The following HIPK1 variants were observed in gnomAD, a reference collection of about 807,000 sequenced individuals.
HIPK1 encodes homeodomain interacting protein kinase 1, also known as homeodomain-interacting protein kinase 1.
In HIPK1, 28 loss-of-function variants were observed where a neutral mutation model predicts 117.1. That is an observed-to-expected ratio of 0.24 (90% confidence interval 0.18 to 0.33). The LOEUF is 0.33. Among genes scored for constraint, HIPK1 ranks in the 10% least tolerant of loss-of-function variants. The probability of loss-of-function intolerance (pLI) is 1.00; values close to 1 mark genes in which losing one functional copy is unlikely to be tolerated. For missense variants in HIPK1, 1,122 were observed against 1,475.1 expected (o/e 0.76, Z 3.92); for synonymous variants, 605 against 562.5 (o/e 1.08, Z -1.07).
intron 8 of HIPK1, among the ~76,000 whole-genome samples, chr1:113,959,296 AG>A (rs1006724506): frequency 4.3e-4 from 31 of 72,020 alleles, no homozygotes; most frequent in Admixed American, 2.5e-3. Context: ...AAGAGGGGCT[AG>A]GGGGGTCAGA....
intron 14 of HIPK1, 87 bp from the exon 15 acceptor site, chr1:113,971,736 CA>C: frequency 3.9e-6 from 5 of 1,291,156 alleles, no homozygotes; most frequent in Non-Finnish European, 5.3e-6. Context: ...TTGCAAACTA[CA>C]TACAGATGTG....
chr1:113,962,383 T>C lies in HIPK1; in HGVS notation c.2048T>C (p.Val683Ala). ...PVRMDNAVPI[V>A]PQAPAAQPLQ... The stretch of plus-strand genomic sequence containing the variant: ...AGGATGGATAATGCTGTACCGATTG[T>C]ACCCCAGGCACCAGCTGCTCAGCCA... The change falls in exon 9 of 16, where the codon GTA becomes GCA. Residue 683 changes from valine to alanine, a missense_variant. This residue lies in a region of HIPK1 where 731 missense variants were observed against 860.4 expected (regional missense o/e 0.85). Coordinates refer to ENST00000426820, the MANE Select transcript of HIPK1 (RefSeq NM_198268.3). 6.2e-7 allele frequency: 1 copy of C among 1,614,004 alleles called. No homozygotes were observed. Among genetic ancestry groups the C allele is most frequent in the Non-Finnish European group, 8.5e-7 (1 of 1,179,906 alleles).
intron 10 of HIPK1, 31 bp from the exon 11 acceptor site, chr1:113,966,099 C>A: frequency 6.3e-7 from 1 of 1,599,038 alleles, no homozygotes. Context: ...TGAATCAAGT[C>A]TGGATGTTTT....
At chr1:113,964,932 A>G (rs1672351120) in intron 10 of HIPK1, among the ~76,000 whole-genome samples, 1 of 152,224 alleles carries the variant, frequency 6.6e-6, no homozygotes, top group Admixed American at 6.5e-5. Context: ...TCACATTGGA[A>G]TGTTATTTCT....
In HIPK1 at chr1:113,972,880, A is replaced by G. The variant is rs905693843; in HGVS notation, c.3145-144A>G. On this transcript the variant is annotated intron_variant, in intron 15 of 15. Transcript: ENST00000426820. ...CAGAAGGAGGGGTGGCTGATTTCTG[A>G]CAGCATTCAATGCCAGTGTGGGAGA... The G allele has an allele frequency of 1.4e-5, 11 of 803,544 alleles. 1 individual carries two copies. The highest frequency in any genetic ancestry group is 3.6e-6 in the Non-Finnish European group (2 of 552,774). 49.8% of individuals were successfully genotyped at this position (803,544 alleles called of 1,614,324 possible).
intron 2 of HIPK1, among the ~76,000 whole-genome samples, chr1:113,947,373 C>G (rs945319630): frequency 1.2e-4 from 18 of 152,084 alleles, no homozygotes; most frequent in Non-Finnish European, 2.2e-4. Flanking sequence ...TTGTTACTTA[C>G]GGAAGGAAAA....
At chr1:113,945,090 A>G (rs1670902369) in intron 2 of HIPK1, among the ~76,000 whole-genome samples, 1 of 150,664 alleles carries the variant, frequency 6.6e-6, no homozygotes, top group Non-Finnish European at 1.5e-5. Context: ...CTCAAGTGAT[A>G]TGCCCGCCTC....
At position 113,973,628 on chromosome 1, in the gene HIPK1, G is replaced by A; in HGVS notation, c.*116G>A. 8.1e-7 allele frequency: 1 copy of A among 1,229,988 alleles called. No individual in the cohort carries two copies. The highest frequency in any genetic ancestry group is 1.1e-6 in the Non-Finnish European group (1 of 902,956). The allele number at this position is 1,229,988 out of a possible 1,614,324, so 76.2% of individuals were successfully genotyped here. ...CTTGAAATTTCTTAGCCAGCAACTT[G>A]TTCTGCAGGGGCCCACTGAAGCAGA... On this transcript the variant is annotated 3_prime_UTR_variant, in exon 16 of 16. Transcript: ENST00000426820.
chr1:113,930,756 T>C (rs1487692727), intron 1 of HIPK1: 1 of 151,482 alleles, frequency 6.6e-6, no homozygotes, highest in Non-Finnish European at 1.5e-5. Context: ...CTGTGAGCAA[T>C]GGCCTGTGTT....
At chr1:113,945,946 GCT>G (rs1311271509) in intron 2 of HIPK1, among the ~76,000 whole-genome samples, 1 of 152,120 alleles carries the variant, frequency 6.6e-6, no homozygotes, top group Non-Finnish European at 1.5e-5. Context: ...AGTATTGACA[GCT>G]TAATAGTAAG....
At chr1:113,932,041 CT>C (rs1480725593) in intron 1 of HIPK1, among the ~76,000 whole-genome samples, 1 of 152,106 alleles carries the variant, frequency 6.6e-6, no homozygotes, top group East Asian at 1.9e-4. Context: ...ACTGGTTTGT[CT>C]TTTGGTTCCT....
intron 14 of HIPK1, among the ~76,000 whole-genome samples, chr1:113,971,244 C>T (rs192066861): frequency 1.3e-5 from 2 of 152,286 alleles, no homozygotes; most frequent in East Asian, 1.9e-4. Flanking sequence ...TTAGTACCTC[C>T]GTGTGCTCTT....
In HIPK1 at chr1:113,929,420, C is replaced by G. The variant is rs545986165; in HGVS notation, c.-115C>G. On this transcript the variant is annotated 5_prime_UTR_variant, in exon 1 of 16. Coordinates refer to ENST00000426820, the MANE Select transcript of HIPK1 (RefSeq NM_198268.3). ...GGGCGGGAAGTCCAGGCCCCGCACTCGATCCACGCTGGCTCCCTACGGAGG... is the reference window on the plus strand; with the variant it reads ...GGGCGGGAAGTCCAGGCCCCGCACTGGATCCACGCTGGCTCCCTACGGAGG... 7.8e-7 allele frequency: 1 copy of G among 1,289,334 alleles called. No individual in the cohort carries two copies. The highest frequency in any genetic ancestry group is 1.5e-5 in the African/African-American group (1 of 65,952). 79.9% of individuals were successfully genotyped at this position (1,289,334 alleles called of 1,614,324 possible).
chr1:113,973,288 G>A lies in HIPK1; in HGVS notation c.3409G>A (p.Gly1137Ser), dbSNP rs772930419. 1 of 1,614,070 alleles carries A rather than the reference G, an allele frequency of 6.2e-7. No homozygotes were observed. Among genetic ancestry groups the A allele is most frequent in the Non-Finnish European group, 8.5e-7 (1 of 1,180,000 alleles). ...CATTGCTCATCTTTTCTCCCCACAG[G>A]GTTCCTCAAGGCATGCTGCAGCCTA... ...SSIAHLFSPQ[G>S]SSRHAAAYTT... is the part of the protein sequence containing the mutation. The change falls in exon 16 of 16, where the codon GGT becomes AGT. Residue 1137 changes from glycine to serine, a missense_variant. By Grantham distance (56) the Gly-to-Ser change is moderately conservative (BLOSUM62 0). Around this residue, in one of 6 missense-constraint regions of HIPK1, gnomAD observed 731 missense variants for 860.4 expected, o/e 0.85. Transcript: ENST00000426820.
intron 2 of HIPK1, among the ~76,000 whole-genome samples, chr1:113,952,543 G>A (rs1259428357): frequency 1.3e-5 from 2 of 152,056 alleles, no homozygotes; most frequent in East Asian, 3.9e-4. Flanking sequence ...TATATAATGT[G>A]TACTTTGTGT....
At position 113,977,835 on chromosome 1, in the gene HIPK1, A is replaced by G. The variant is rs1396011448; in HGVS notation, c.*4323A>G. 2 of 152,760 alleles carry G rather than the reference A, an allele frequency of 1.3e-5. No homozygotes were observed. The highest frequency in any genetic ancestry group is 2.9e-5 in the Non-Finnish European group (2 of 68,046). The allele number at this position is 152,760 out of a possible 1,614,324, so 9.5% of individuals were successfully genotyped here. On this transcript the variant is annotated 3_prime_UTR_variant, in exon 16 of 16. Transcript: ENST00000426820. ...CTGTTTTTGACTTCTGTTATAGGAT[A>G]TAAAGGGGATCAATAAATGACATCT...
At chr1:113,962,531 A>G (rs991490741) in intron 9 of HIPK1, 93 bp downstream of exon 9, 3 of 1,274,846 alleles carry the variant, frequency 2.4e-6, no homozygotes, top group Non-Finnish European at 3.2e-6. Flanking sequence ...CTTTGACTAT[A>G]AGATCTTTCT....
Position 113,975,399 on chromosome 1 carries a change from GCT to G in HIPK1, c.*1893_*1894del, listed in dbSNP as rs1673090638. 1 of 152,740 alleles carries G rather than the reference GCT, an allele frequency of 6.5e-6. No homozygotes were observed. Among genetic ancestry groups the G allele is most frequent in the Admixed American group, 6.5e-5 (1 of 15,276 alleles). 9.5% of individuals were successfully genotyped at this position (152,740 alleles called of 1,614,324 possible). ...CTCACAGAAGCATTTTCCCCATGTG[GCT>G]CTCTCACTGTGCGTTGCTACCTTGC... On this transcript the variant is annotated 3_prime_UTR_variant, in exon 16 of 16. Coordinates refer to ENST00000426820, the MANE Select transcript of HIPK1 (RefSeq NM_198268.3).
chr1:113,965,985 T>G (rs1411637582), intron 10 of HIPK1, 145 bp from the exon 11 acceptor site: 6 of 747,612 alleles, frequency 8.0e-6, no homozygotes, highest in Non-Finnish European at 1.3e-5. Flanking sequence ...CTTGAGCCCC[T>G]CTGACCTTTC....
Sources: gnomAD v4.1 joint callset for allele counts (sites outside exome capture counted in the v4.1 genomes callset) on GRCh38, gnomAD v4.1.1 for gene constraint, gnomAD v4.1.1 regional missense constraint, MANE v1.5 for transcripts, NCBI Gene and HGNC (gene_info 2026-07-23, HGNC 2026-07-21) for gene names.